Variants in SLC22A23 observed in about 807,000 individuals in gnomAD.
The protein encoded by SLC22A23 is ion transporter protein.
A neutral mutation model predicts 61.0 loss-of-function variants in SLC22A23; 26 were observed. That is an observed-to-expected ratio of 0.43 (90% confidence interval 0.31 to 0.59). The LOEUF (loss-of-function observed/expected upper bound fraction) is 0.59, where lower values mean the gene tolerates loss of function less well. Ranked by LOEUF, SLC22A23 falls within the 20% of genes least tolerant of loss-of-function variation. The pLI is 0.11. For synonymous variants in SLC22A23, 430 were observed against 413.9 expected (o/e 1.04, Z -0.47); for missense variants, 796 against 934.7 (o/e 0.85, Z 1.94).
intron 2 of SLC22A23, among the ~76,000 whole-genome samples, chr6:3,412,797 T>C (rs1182070792): frequency 4.6e-5 from 7 of 152,120 alleles, no homozygotes; most frequent in Admixed American, 2.0e-4. Flanking sequence ...AGAGAGGTAG[T>C]GGTGTGAGAA....
chr6:3,414,112 T>G lies in SLC22A23; in HGVS notation c.758+1640A>C, dbSNP rs1034925733. On this transcript the variant is annotated intron_variant, in intron 2 of 9. Coordinates refer to ENST00000406686, the MANE Select transcript of SLC22A23 (RefSeq NM_015482.2). The surrounding 1 kb of genome is among the most constrained non-coding windows in gnomAD (Gnocchi z 5.1). ...AAAACAATCTTTAAACAATTTAAAC[T>G]GTTACAGACTGGTTCATTCATAAAA... Among the ~76,000 whole-genome samples the G allele has an allele frequency of 1.2e-4, 18 of 152,260 alleles. No homozygotes were observed. Among genetic ancestry groups the G allele is most frequent in the African/African-American group, 4.3e-4 (18 of 41,474 alleles).
At chr6:3,332,445 C>G (rs1404610821) in intron 3 of SLC22A23, among the ~76,000 whole-genome samples, 1 of 152,166 alleles carries the variant, frequency 6.6e-6, no homozygotes, top group Admixed American at 6.5e-5. Flanking sequence ...CTTCTTTTCT[C>G]TTCTTCTCTC....
chr6:3,456,669 G>A lies in SLC22A23; in HGVS notation c.-110C>T. The A allele has an allele frequency of 1.4e-6, 1 of 719,676 alleles. No individual in the cohort carries two copies. The highest frequency in any genetic ancestry group is 6.1e-5 in the South Asian group (1 of 16,416). 44.6% of individuals were successfully genotyped at this position (719,676 alleles called of 1,614,324 possible). A position where few individuals can be genotyped will look rare whatever the true frequency, so the allele number is the denominator to read the frequency against. On this transcript the variant is annotated 5_prime_UTR_variant, in exon 1 of 10. Coordinates refer to ENST00000406686, the MANE Select transcript of SLC22A23 (RefSeq NM_015482.2). This position sits in a 1 kb window ranked among gnomAD's most constrained non-coding sequence, Gnocchi z 7.1. Reference sequence around the variant, plus strand: ...CGCCTGCAGCCGCTGCCGCCGAGGAGGGCCCGCGGCTCGAGAGAGAGCGCT... The same window carrying A: ...CGCCTGCAGCCGCTGCCGCCGAGGAAGGCCCGCGGCTCGAGAGAGAGCGCT...
At chr6:3,281,008 G>A (rs1462218436) in intron 9 of SLC22A23, among the ~76,000 whole-genome samples, 1 of 152,186 alleles carries the variant, frequency 6.6e-6, no homozygotes, top group Non-Finnish European at 1.5e-5. Flanking sequence ...GGAGAAAACA[G>A]GCGGGTGTCA....
intron 4 of SLC22A23, among the ~76,000 whole-genome samples, chr6:3,320,298 G>T (rs1762873363): frequency 6.6e-6 from 1 of 152,120 alleles, no homozygotes; most frequent in Non-Finnish European, 1.5e-5. Context: ...GTCCCTGTCT[G>T]TTCAGTCTAC....
At chr6:3,417,141 G>C (rs985531674) in intron 1 of SLC22A23, among the ~76,000 whole-genome samples, 3 of 152,188 alleles carry the variant, frequency 2.0e-5, no homozygotes, top group Non-Finnish European at 4.4e-5. Context: ...GCCAAGCTCT[G>C]TGTCAGTGGA....
At chr6:3,377,003 T>G (rs1322805353) in intron 3 of SLC22A23, among the ~76,000 whole-genome samples, 1 of 151,932 alleles carries the variant, frequency 6.6e-6, no homozygotes, top group Non-Finnish European at 1.5e-5. Flanking sequence ...AGAGCTCCAA[T>G]TCTGATCTAG....
At chr6:3,283,301 G>A (rs1561863196) in intron 9 of SLC22A23, among the ~76,000 whole-genome samples, 3 of 152,088 alleles carry the variant, frequency 2.0e-5, no homozygotes, top group Non-Finnish European at 4.4e-5. Context: ...GCGTGGTGGC[G>A]CACACCTATA....
intron 5 of SLC22A23, among the ~76,000 whole-genome samples, chr6:3,292,394 A>C (rs950589061): frequency 1.3e-5 from 2 of 152,126 alleles, no homozygotes; most frequent in African/African-American, 4.8e-5. Context: ...TAAACTCCTC[A>C]CACATGGAAA....
intron 3 of SLC22A23, among the ~76,000 whole-genome samples, chr6:3,352,606 A>G (rs1764842548): frequency 6.6e-6 from 1 of 152,170 alleles, no homozygotes; most frequent in Non-Finnish European, 1.5e-5. Context: ...TTGTTTTTCC[A>G]TCTGAAAATG....
chr6:3,455,493 C>G (rs1357538421), intron 1 of SLC22A23, among the ~76,000 whole-genome samples: 2 of 152,210 alleles, frequency 1.3e-5, no homozygotes, highest in Admixed American at 1.3e-4. Flanking sequence ...GTGTCAAAAT[C>G]AAGTGCGAGA....
intron 8 of SLC22A23, chr6:3,284,799 G>C (rs1474262484): frequency 1.8e-6 from 2 of 1,102,076 alleles, no homozygotes; most frequent in Non-Finnish European, 2.6e-6. Flanking sequence ...TTGGCGCCGG[G>C]CCAGGGCCTG....
rs1419724409 is a variant in SLC22A23, at chr6:3,304,859, T to A, written c.1083-6641A>T. On this transcript the variant is annotated intron_variant, in intron 4 of 9. Transcript: ENST00000406686. This position sits in a 1 kb window ranked among gnomAD's most constrained non-coding sequence, Gnocchi z 4.3. ...AGAGCTGCAAGCTGATAAACCCGAA[T>A]GCTGGGAATGAGGTGAGAAGACGCA... Among the ~76,000 whole-genome samples, 1 of 152,006 alleles carries A rather than the reference T, an allele frequency of 6.6e-6. No homozygotes were observed. Among genetic ancestry groups the A allele is most frequent in the Admixed American group, 6.6e-5 (1 of 15,260 alleles).
intron 1 of SLC22A23, among the ~76,000 whole-genome samples, chr6:3,440,576 G>A (rs1294095771): frequency 3.3e-5 from 5 of 151,834 alleles, no homozygotes; most frequent in Admixed American, 1.3e-4. Flanking sequence ...GCACGGTGGC[G>A]GGCGCCTGTA....
At chr6:3,404,396 T>C (rs1275275012) in intron 3 of SLC22A23, among the ~76,000 whole-genome samples, 2 of 152,240 alleles carry the variant, frequency 1.3e-5, no homozygotes, top group African/African-American at 2.4e-5. Context: ...ATTTTTAATA[T>C]GCAGGTGAGA....
Position 3,297,130 on chromosome 6 carries a change from G to T in SLC22A23, c.1210+961C>A, listed in dbSNP as rs180708640. 6.6e-6 allele frequency among the ~76,000 whole-genome samples: 1 copy of T among 152,208 alleles called. No individual in the cohort carries two copies. Among genetic ancestry groups the T allele is most frequent in the Non-Finnish European group, 1.5e-5 (1 of 68,050 alleles). ...TGTGCCCCACCTGCCTGCAAGTTAC[G>T]TGAGAGCAAGGCTTTGCCTGTGTCT... is the stretch of plus-strand genomic sequence containing the variant. On this transcript the variant is annotated intron_variant, in intron 5 of 9. Coordinates refer to ENST00000406686, the MANE Select transcript of SLC22A23 (RefSeq NM_015482.2). The surrounding 1 kb of genome is among the most constrained non-coding windows in gnomAD (Gnocchi z 4.3).
chr6:3,361,027 C>A (rs1253170031), intron 3 of SLC22A23, among the ~76,000 whole-genome samples: 1 of 151,442 alleles, frequency 6.6e-6, no homozygotes, highest in East Asian at 1.9e-4. Flanking sequence ...ATTTTATATT[C>A]CTGTTGTTTG....
chr6:3,421,540 G>GTT (rs1770135648), intron 1 of SLC22A23, among the ~76,000 whole-genome samples: 1 of 152,318 alleles, frequency 6.6e-6, no homozygotes, highest in Non-Finnish European at 1.5e-5. Flanking sequence ...TAGAAGAGAT[G>GTT]TTTGTATATG....
chr6:3,439,040 G>C (rs1010373676), intron 1 of SLC22A23, among the ~76,000 whole-genome samples: 1 of 147,906 alleles, frequency 6.8e-6, no homozygotes. Flanking sequence ...AGTCTAGACC[G>C]GGGTTTCTCA....
Sources: gnomAD v4.1 joint callset for allele counts (sites outside exome capture counted in the v4.1 genomes callset) on GRCh38, gnomAD v4.1.1 for gene constraint, Gnocchi (gnomAD v3.1) non-coding constraint, MANE v1.5 for transcripts, NCBI Gene and HGNC (gene_info 2026-07-23, HGNC 2026-07-21) for gene names.